Variants in HAO2 observed in about 807,000 individuals in gnomAD.
HAO2 encodes the protein 2-Hydroxyacid oxidase 2.
In HAO2, 42 loss-of-function variants were observed where a neutral mutation model predicts 37.4. That is an observed-to-expected ratio of 1.12 (90% CI 0.88 to 1.45). The LOEUF (loss-of-function observed/expected upper bound fraction) is 1.45, where lower values mean the gene tolerates loss of function less well. Among genes scored for constraint, HAO2 ranks in the 40% most tolerant of loss-of-function variants. The probability of loss-of-function intolerance (pLI) is 0.00; values close to 1 mark genes in which losing one functional copy is unlikely to be tolerated. For missense variants in HAO2, 476 were observed against 430.2 expected (o/e 1.11, Z -0.94); for synonymous variants, 180 against 162.8 (o/e 1.11, Z -0.81).
At chr1:119,380,669 C>T in intron 1 of HAO2, 1 of 1,580,584 alleles carries the variant, frequency 6.3e-7, no homozygotes, top group East Asian at 2.2e-5. Context: ...CAGCCTTGAA[C>T]TTTAGGAAGA....
At chr1:119,373,716 A>T (rs1191435371) in intron 1 of HAO2, among the ~76,000 whole-genome samples, 1 of 152,174 alleles carries the variant, frequency 6.6e-6, no homozygotes, top group Non-Finnish European at 1.5e-5. Flanking sequence ...CCCTATCATG[A>T]CTAAAGAAGC....
In HAO2 at chr1:119,392,609, C is replaced by T. The variant is rs746294948; in HGVS notation, c.931-9C>T. The T allele has an allele frequency of 2.4e-5, 38 of 1,589,180 alleles. No homozygotes were observed. The highest frequency in any genetic ancestry group is 2.9e-5 in the Non-Finnish European group (33 of 1,157,604). On this transcript the variant is annotated splice_polypyrimidine_tract_variant and intron_variant, in intron 6 of 7. Transcript: ENST00000325945. ...TCTTTGTGTCTCTGTCTGTCTGCCTCGGGAGCAGGGTGAACATGGTGTTAA... is the reference window on the plus strand; with the variant it reads ...TCTTTGTGTCTCTGTCTGTCTGCCTTGGGAGCAGGGTGAACATGGTGTTAA...
intron 5 of HAO2, among the ~76,000 whole-genome samples, chr1:119,389,892 T>C (rs1335744906): frequency 6.6e-6 from 1 of 152,188 alleles, no homozygotes; most frequent in Admixed American, 6.6e-5. Context: ...GTTTTTCCTA[T>C]GTTATATTCT....
At chr1:119,383,681 A>T (rs902682743) in intron 3 of HAO2, among the ~76,000 whole-genome samples, 2 of 152,044 alleles carry the variant, frequency 1.3e-5, no homozygotes, top group African/African-American at 2.4e-5. Context: ...TAATAATAAT[A>T]ATAAATAGAA....
At chr1:119,378,518 A>T (rs1208226010) in intron 1 of HAO2, among the ~76,000 whole-genome samples, 1 of 152,186 alleles carries the variant, frequency 6.6e-6, no homozygotes, top group African/African-American at 2.4e-5. Flanking sequence ...CTTCACAGGG[A>T]CACTGAGAAA....
At chr1:119,382,884 CAACAG>C in intron 2 of HAO2, 26 bp from the exon 3 acceptor site, 2 of 1,605,066 alleles carry the variant, frequency 1.2e-6, no homozygotes, top group East Asian at 2.2e-5. Flanking sequence ...ATCATCTCAC[CAACAG>C]AAGATCTCTT....
chr1:119,372,357 G>T (rs747923308), intron 1 of HAO2, among the ~76,000 whole-genome samples: 1 of 152,172 alleles, frequency 6.6e-6, no homozygotes, highest in African/African-American at 2.4e-5. Flanking sequence ...ATTTTCAAAG[G>T]TTTTTGAAGT....
intron 7 of HAO2, among the ~76,000 whole-genome samples, chr1:119,393,393 T>C (rs1285119484): frequency 6.6e-6 from 1 of 152,196 alleles, no homozygotes; most frequent in Non-Finnish European, 1.5e-5. Flanking sequence ...GCAATTGTCA[T>C]GTGGAATACT....
At chr1:119,380,600 C>T (rs1649839129) in intron 1 of HAO2, 10 of 841,866 alleles carry the variant, frequency 1.2e-5, no homozygotes, top group Non-Finnish European at 2.0e-5. Context: ...AAATCCAGGG[C>T]CTAGAAAGCT....
intron 6 of HAO2, 68 bp downstream of exon 6, chr1:119,392,336 G>T: frequency 7.6e-7 from 1 of 1,312,892 alleles, no homozygotes; most frequent in Non-Finnish European, 1.1e-6. Context: ...CTTTCCTGTG[G>T]TTCATTTTCC....
intron 3 of HAO2, among the ~76,000 whole-genome samples, chr1:119,383,318 C>G (rs1231537365): frequency 6.6e-6 from 1 of 152,190 alleles, no homozygotes; most frequent in Non-Finnish European, 1.5e-5. Context: ...AAAATTTAAC[C>G]AAGTCATCCC....
At chr1:119,381,429 A>G (rs1649932077) in intron 2 of HAO2, among the ~76,000 whole-genome samples, 2 of 152,318 alleles carry the variant, frequency 1.3e-5, no homozygotes, top group East Asian at 1.9e-4. Context: ...TATAGCCAGC[A>G]TAAGTGAGTC....
At chr1:119,376,870 T>G (rs1341050714) in intron 1 of HAO2, among the ~76,000 whole-genome samples, 1 of 152,156 alleles carries the variant, frequency 6.6e-6, no homozygotes, top group Non-Finnish European at 1.5e-5. Context: ...AGCAAGGCCC[T>G]GGTGCCCTGC....
At position 119,384,989 on chromosome 1, in the gene HAO2, G is replaced by C; in HGVS notation, c.497G>C (p.Arg166Pro). 6.2e-7 allele frequency: 1 copy of C among 1,613,796 alleles called. No individual in the cohort carries two copies. The highest frequency in any genetic ancestry group is 1.3e-5 in the African/African-American group (1 of 75,018). ...TLDTPVCGNR[R>P]HDIRNQLRRN... ...GATACACCTGTATGTGGCAACAGGC[G>C]ACATGACATTCGAAACCAGTTGAGG... The change falls in exon 4 of 8, where the codon CGA becomes CCA. Residue 166 changes from arginine (R) to proline (P), a missense_variant. Coordinates refer to ENST00000325945, the MANE Select transcript of HAO2 (RefSeq NM_016527.4).
At position 119,391,526 on chromosome 1, in the gene HAO2, T is replaced by A. The variant is rs3765950; in HGVS notation, c.772-584T>A. 5.9e-4 allele frequency among the ~76,000 whole-genome samples: 90 copies of A among 152,318 alleles called. 2 individuals are homozygous for A. In the East Asian group the frequency reaches 0.016, roughly 27 times the overall value. ...TGTCTGTCAAAGGCTCAAACTTTAG[T>A]TTTACCGTGTTGTACTTTAGTCCTA... On this transcript the variant is annotated intron_variant, in intron 5 of 7. Coordinates refer to ENST00000325945, the MANE Select transcript of HAO2 (RefSeq NM_016527.4).
chr1:119,382,854 C>A (rs587746699), intron 2 of HAO2, 61 bp from the exon 3 acceptor site: 224 of 1,525,102 alleles, frequency 1.5e-4, no homozygotes, highest in Non-Finnish European at 1.9e-4. Flanking sequence ...CCACCCCAGA[C>A]AACGCCTCCC....
At position 119,386,749 on chromosome 1, in the gene HAO2, C is replaced by T. The variant is rs765634287; in HGVS notation, c.689C>T (p.Ala230Val). 2 of 1,613,396 alleles carry T rather than the reference C, an allele frequency of 1.2e-6. No individual in the cohort carries two copies. Among genetic ancestry groups the T allele is most frequent in the Non-Finnish European group, 1.7e-6 (2 of 1,179,364 alleles). Residue 230 changes from alanine (A) to valine (V), a missense_variant, in exon 5 of 8, where the codon GCA becomes GTA. Ala to Val is a moderately conservative substitution (Grantham distance 64). Coordinates refer to ENST00000325945, the MANE Select transcript of HAO2 (RefSeq NM_016527.4). ...ILKGILTKED[A>V]ELAVKHNVQG... ...AAAGGGATTTTGACAAAAGAGGATG[C>T]AGAGTTAGCTGTGAAGCACAATGTC...
At chr1:119,369,220 T>C (rs1438997737) in intron 1 of HAO2, among the ~76,000 whole-genome samples, 1 of 152,226 alleles carries the variant, frequency 6.6e-6, no homozygotes, top group Non-Finnish European at 1.5e-5. Context: ...TCTGAAAACC[T>C]AAAAGGTATT....
chr1:119,385,825 A>G (rs59273725), intron 4 of HAO2: 2 of 985,024 alleles, frequency 2.0e-6, no homozygotes, highest in African/African-American at 3.5e-5. Context: ...GAGGTGCTCC[A>G]AAATCCTTAT....
Sources: gnomAD v4.1 joint callset for allele counts (sites outside exome capture counted in the v4.1 genomes callset) on GRCh38, gnomAD v4.1.1 for gene constraint, MANE v1.5 for transcripts, NCBI Gene and HGNC (gene_info 2026-07-23, HGNC 2026-07-21) for gene names.